The following NR2F1-AS1 variants were observed in gnomAD, a reference collection of about 807,000 sequenced individuals.
The protein encoded by NR2F1-AS1 is NR2F1 antisense RNA 1.
chr5:93,559,477 T>C (rs941280208), intron 2 of NR2F1-AS1, among the ~76,000 whole-genome samples: 2 of 152,222 alleles, frequency 1.3e-5, no homozygotes, highest in Non-Finnish European at 2.9e-5. Context: ...ACTTTTAATT[T>C]CCTTCAAAAA....
chr5:93,503,405 T>C (rs1342924653), intron 4 of NR2F1-AS1, among the ~76,000 whole-genome samples: 2 of 152,172 alleles, frequency 1.3e-5, no homozygotes, highest in Non-Finnish European at 2.9e-5. Flanking sequence ...AACCAAGAGT[T>C]TTAGCGTAAG....
intron 4 of NR2F1-AS1, among the ~76,000 whole-genome samples, chr5:93,488,992 A>T (rs1750783519): frequency 6.6e-6 from 1 of 152,114 alleles, no homozygotes; most frequent in Non-Finnish European, 1.5e-5. Flanking sequence ...GCAAACTAAC[A>T]CAGGAACAGA....
intron 4 of NR2F1-AS1, among the ~76,000 whole-genome samples, chr5:93,507,278 C>G (rs1465564250): frequency 6.6e-6 from 1 of 152,182 alleles, no homozygotes; most frequent in African/African-American, 2.4e-5. Context: ...AGTACTGCTT[C>G]TAGTTAGGCC....
chr5:93,567,641 T>C (rs931685419), intron 1 of NR2F1-AS1, among the ~76,000 whole-genome samples: 2 of 152,216 alleles, frequency 1.3e-5, no homozygotes, highest in African/African-American at 4.8e-5. Context: ...GCTGTTTTTA[T>C]ATACCAAATC....
rs187868407 is a variant in NR2F1-AS1, at chr5:93,476,095, C to G, written n.638+77666G>C. Among the ~76,000 whole-genome samples the G allele has an allele frequency of 3.8e-3, 582 of 152,252 alleles. 1 individual carries two copies. The highest frequency in any genetic ancestry group is 6.8e-3 in the Middle Eastern group (2 of 294). ...GGAAAAATGTTGCTGTATGGTTTGA[C>G]AATGTTTTGTGTGTCTTCGACTGAT... is the stretch of plus-strand genomic sequence containing the variant. On this transcript the variant is annotated intron_variant and non_coding_transcript_variant, in intron 4 of 5. Transcript: ENST00000660523.
At chr5:93,487,046 C>A (rs1266618097) in intron 4 of NR2F1-AS1, among the ~76,000 whole-genome samples, 1 of 152,076 alleles carries the variant, frequency 6.6e-6, no homozygotes, top group Non-Finnish European at 1.5e-5. Context: ...AAATTCAACA[C>A]CCCTTCACGC....
In NR2F1-AS1 at chr5:93,579,904, C is replaced by G. The variant is rs1460488347; in HGVS notation, n.313+563G>C. 6.6e-6 allele frequency among the ~76,000 whole-genome samples: 1 copy of G among 152,200 alleles called. No homozygotes were observed. Among genetic ancestry groups the G allele is most frequent in the South Asian group, 2.1e-4 (1 of 4,836 alleles). On this transcript the variant is annotated intron_variant and non_coding_transcript_variant, in intron 1 of 5. Transcript: ENST00000660523. The surrounding 1 kb of genome is among the most constrained non-coding windows in gnomAD (Gnocchi z 5.1). ...GTCCCTTTTAATCCGCTGACACTAT[C>G]GCCCACATCAGACAGGCAGCCATCG... is the stretch of plus-strand genomic sequence containing the variant.
intron 2 of NR2F1-AS1, among the ~76,000 whole-genome samples, chr5:93,559,446 T>C (rs1752437548): frequency 6.6e-6 from 1 of 152,236 alleles, no homozygotes; most frequent in South Asian, 2.1e-4. Context: ...GCTTTTTTGT[T>C]TGTGTTTTCC....
At chr5:93,426,773 G>A (rs866147358) in intron 4 of NR2F1-AS1, among the ~76,000 whole-genome samples, 1 of 152,186 alleles carries the variant, frequency 6.6e-6, no homozygotes, top group African/African-American at 2.4e-5. Flanking sequence ...AGGAAGAAGA[G>A]TGGGAAAGTA....
intron 1 of NR2F1-AS1, among the ~76,000 whole-genome samples, chr5:93,565,568 A>T (rs1752599201): frequency 6.6e-6 from 1 of 152,042 alleles, no homozygotes; most frequent in Non-Finnish European, 1.5e-5. Context: ...TACTGTTAAT[A>T]TTTTATTTCT....
intron 1 of NR2F1-AS1, among the ~76,000 whole-genome samples, chr5:93,569,298 T>C (rs2149925831): frequency 6.6e-6 from 1 of 152,180 alleles, no homozygotes; most frequent in East Asian, 1.9e-4. Flanking sequence ...TTAAGGGCTA[T>C]GTCAAAGTAA....
intron 4 of NR2F1-AS1, among the ~76,000 whole-genome samples, chr5:93,448,491 T>A (rs961850667): frequency 3.9e-5 from 6 of 152,192 alleles, no homozygotes; most frequent in Admixed American, 2.0e-4. Context: ...TGAGTGGATA[T>A]AGCCAAAAAC....
chr5:93,454,043 G>A (rs886503396), intron 4 of NR2F1-AS1, among the ~76,000 whole-genome samples: 9 of 152,192 alleles, frequency 5.9e-5, no homozygotes, highest in Admixed American at 2.0e-4. Flanking sequence ...TTGAGAGGTC[G>A]AGGCAGGATT....
At chr5:93,536,143 C>T (rs1751834829) in intron 4 of NR2F1-AS1, among the ~76,000 whole-genome samples, 1 of 151,982 alleles carries the variant, frequency 6.6e-6, no homozygotes, top group African/African-American at 2.4e-5. Context: ...TTTCTATATG[C>T]TAATAGTGAA....
chr5:93,513,557 A>G (rs1440604166), intron 4 of NR2F1-AS1, among the ~76,000 whole-genome samples: 1 of 152,170 alleles, frequency 6.6e-6, no homozygotes, highest in Non-Finnish European at 1.5e-5. Context: ...GCAGGAACAG[A>G]AAAACAAACA....
rs143079572 is a variant in NR2F1-AS1, at chr5:93,419,836, T to C, written n.639-24294A>G. ...GACCAGAATATAACCTTTATTCTGA[T>C]TGAAGCCAAGGTGGAGGAGGTAGCT... On this transcript the variant is annotated intron_variant and non_coding_transcript_variant, in intron 4 of 5. Coordinates refer to ENST00000660523, the Ensembl canonical transcript of NR2F1-AS1. Among the ~76,000 whole-genome samples, 46 of 152,296 alleles carry C rather than the reference T, an allele frequency of 3.0e-4. 1 individual carries two copies. Among genetic ancestry groups the C allele is most frequent in the East Asian group, 9.6e-4 (5 of 5,184 alleles).
intron 4 of NR2F1-AS1, among the ~76,000 whole-genome samples, chr5:93,449,304 T>C (rs576608831): frequency 3.9e-5 from 6 of 152,282 alleles, no homozygotes; most frequent in African/African-American, 1.2e-4. Flanking sequence ...AAACTCTCAT[T>C]AGTATGAGTA....
At chr5:93,581,687 T>C (rs1384233425), upstream of NR2F1-AS1, among the ~76,000 whole-genome samples, 19 of 50,138 alleles carry the variant, frequency 3.8e-4, no homozygotes, top group South Asian at 3.5e-3. Flanking sequence ...TCTCTCTCTC[T>C]CTCTCTCTCT....
chr5:93,449,454 T>C (rs1163896078), intron 4 of NR2F1-AS1, among the ~76,000 whole-genome samples: 3 of 152,192 alleles, frequency 2.0e-5, no homozygotes, highest in Non-Finnish European at 1.5e-5. Context: ...GGAATGTATG[T>C]TTTAATCTTG....
Sources: allele counts gnomAD v4.1 joint callset (sites outside exome capture counted in the v4.1 genomes callset), GRCh38; gene constraint gnomAD v4.1.1; non-coding constraint Gnocchi (gnomAD v3.1); transcripts MANE v1.5; gene names NCBI Gene and HGNC (gene_info 2026-07-23, HGNC 2026-07-21).